KIF5C: variants seen among roughly 807,000 people sequenced by gnomAD.
The protein encoded by KIF5C is kinesin heavy chain isoform 5C.
Under a neutral mutation model 125.2 loss-of-function variants are expected in KIF5C, and 18 were observed. That is an observed-to-expected ratio of 0.14 (90% CI 0.10 to 0.21). The LOEUF (loss-of-function observed/expected upper bound fraction) is 0.21, where lower values mean the gene tolerates loss of function less well. Among genes scored for constraint, KIF5C ranks in the 10% least tolerant of loss-of-function variants. The pLI is 1.00. For missense variants in KIF5C, 780 were observed against 1,183.8 expected (o/e 0.66, Z 5.01); for synonymous variants, 405 against 434.0 (o/e 0.93, Z 0.83).
At chr2:148,971,290 G>GTCTATCTA (rs753154563) in intron 11 of KIF5C, among the ~76,000 whole-genome samples, 2,050 of 137,282 alleles carry the variant, frequency 0.015, 20 homozygotes, top group East Asian at 0.024. Flanking sequence ...CTGTCTGTCT[G>GTCTATCTA]TCTATCTATC....
chr2:149,025,246 G>A lies in KIF5C; in HGVS notation c.*2176G>A, dbSNP rs1682655226. On this transcript the variant is annotated 3_prime_UTR_variant, in exon 26 of 26. Transcript: ENST00000435030. ...TGCTTTACTTTTATTCACAGAGAAA[G>A]TTGGCTTTGATGTCTCTTAAAGATA... 1 of 152,620 alleles carries A rather than the reference G, an allele frequency of 6.6e-6. No homozygotes were observed. The highest frequency in any genetic ancestry group is 1.5e-5 in the Non-Finnish European group (1 of 68,028). The allele number at this position is 152,620 out of a possible 1,614,324, so 9.5% of individuals were successfully genotyped here.
At chr2:148,933,412 C>G (rs1384476831) in intron 3 of KIF5C, among the ~76,000 whole-genome samples, 6 of 151,930 alleles carry the variant, frequency 3.9e-5, no homozygotes, top group African/African-American at 1.5e-4. Context: ...GCACCTCACT[C>G]TCATACACAC....
chr2:148,958,852 C>T (rs566311857), intron 10 of KIF5C, among the ~76,000 whole-genome samples: 46 of 151,810 alleles, frequency 3.0e-4, no homozygotes, highest in African/African-American at 9.4e-4. Flanking sequence ...GGCGTGGTGG[C>T]GGGCGCCTGT....
At chr2:148,973,548 C>T in intron 12 of KIF5C, 37 bp downstream of exon 12, 2 of 1,562,288 alleles carry the variant, frequency 1.3e-6, no homozygotes, top group South Asian at 2.5e-5. Context: ...CATTCTGCTA[C>T]AAAGATGAAA....
chr2:148,992,814 A>C (rs1276602733), intron 16 of KIF5C, among the ~76,000 whole-genome samples: 2 of 152,260 alleles, frequency 1.3e-5, no homozygotes, highest in Non-Finnish European at 2.9e-5. Context: ...AAAAATTAAA[A>C]TAAAAATGAT....
At chr2:148,936,433 G>C (rs1682293577) in intron 3 of KIF5C, among the ~76,000 whole-genome samples, 1 of 152,186 alleles carries the variant, frequency 6.6e-6, no homozygotes, top group Non-Finnish European at 1.5e-5. Context: ...GGTGGGCTTA[G>C]GCAAAGGCTC....
chr2:149,008,122 C>A, intron 23 of KIF5C, 55 bp downstream of exon 23: 1 of 1,543,686 alleles, frequency 6.5e-7, no homozygotes, highest in South Asian at 1.3e-5. Flanking sequence ...TGGAAAGAAG[C>A]CCCACCAGGT....
intron 11 of KIF5C, among the ~76,000 whole-genome samples, chr2:148,972,083 C>T (rs1558925302): frequency 6.6e-6 from 1 of 152,028 alleles, no homozygotes. Context: ...TACAGGTGTG[C>T]ACCACCACAC....
Position 148,916,336 on chromosome 2 carries a change from A to C in KIF5C, c.127-5801A>C, listed in dbSNP as rs1479973457. Among the ~76,000 whole-genome samples, 3 of 152,148 alleles carry C rather than the reference A, an allele frequency of 2.0e-5. No individual in the cohort carries two copies. The East Asian group carries it at 5.8e-4, about 29-fold the overall frequency. On this transcript the variant is annotated intron_variant, in intron 1 of 25. Coordinates refer to ENST00000435030, the MANE Select transcript of KIF5C (RefSeq NM_004522.3). ...AATAGACTTTATGAATGAACATTGA[A>C]ATTTTGTTTATTTTTAAAGAGTGCA...
intron 19 of KIF5C, among the ~76,000 whole-genome samples, chr2:148,999,357 T>A (rs1456856397): frequency 6.6e-6 from 1 of 151,720 alleles, no homozygotes; most frequent in African/African-American, 2.4e-5. Context: ...AAGGTCACAT[T>A]GCTAAATAGG....
At chr2:148,940,026 T>C (rs977180325) in intron 4 of KIF5C, among the ~76,000 whole-genome samples, 1 of 152,210 alleles carries the variant, frequency 6.6e-6, no homozygotes, top group African/African-American at 2.4e-5. Context: ...AGTATCTAGT[T>C]TGTGACTTTT....
chr2:148,947,142 AGGCTCTGC>A, intron 8 of KIF5C, 119 bp downstream of exon 8: 1 of 1,404,728 alleles, frequency 7.1e-7, no homozygotes, highest in Non-Finnish European at 9.4e-7. Context: ...AAAGTTTCTG[AGGCTCTGC>A]CAAGGTGTTA....
chr2:148,900,579 C>G (rs1369436806), intron 1 of KIF5C, among the ~76,000 whole-genome samples: 2 of 152,222 alleles, frequency 1.3e-5, no homozygotes, highest in African/African-American at 4.8e-5. Flanking sequence ...TTCCTGCCTC[C>G]TTTCTGACAG....
chr2:148,999,333 G>A (rs1386693003), intron 19 of KIF5C, among the ~76,000 whole-genome samples: 10 of 151,058 alleles, frequency 6.6e-5, no homozygotes, highest in Non-Finnish European at 1.5e-4. Context: ...GAAGCAAGGC[G>A]AAATGATTTA....
rs778092579 is a variant in KIF5C, at chr2:148,978,900, C to T, written c.1294-22C>T. ...AAAATGACATAACTAACCAAAAAAA[C>T]AAACATGATGTTTCGTTTCAGGATG... On this transcript the variant is annotated intron_variant, in intron 12 of 25. Coordinates refer to ENST00000435030, the MANE Select transcript of KIF5C (RefSeq NM_004522.3). 81 of 1,572,856 alleles carry T rather than the reference C, an allele frequency of 5.1e-5. No individual in the cohort carries two copies. In the South Asian group the frequency reaches 5.9e-4, roughly 11 times the overall value.
intron 11 of KIF5C, among the ~76,000 whole-genome samples, chr2:148,965,252 T>A (rs968295196): frequency 6.1e-5 from 9 of 147,768 alleles, no homozygotes; most frequent in Non-Finnish European, 8.9e-5. Flanking sequence ...TGAGTTGGAG[T>A]CATCAGTCTT....
chr2:148,973,874 C>T (rs543709126), intron 12 of KIF5C, among the ~76,000 whole-genome samples: 2 of 152,278 alleles, frequency 1.3e-5, no homozygotes, highest in East Asian at 3.9e-4. Flanking sequence ...CTTGGAAACT[C>T]CAGCAGTAGC....
At chr2:148,994,861 C>T (rs1681623600) in intron 17 of KIF5C, among the ~76,000 whole-genome samples, 1 of 152,148 alleles carries the variant, frequency 6.6e-6, no homozygotes, top group Middle Eastern at 3.4e-3. Flanking sequence ...GTCACCACAC[C>T]TGGCTAATTT....
Position 148,997,221 on chromosome 2 carries a change from C to T in KIF5C, c.2024-43C>T, listed in dbSNP as rs771200722. On this transcript the variant is annotated intron_variant, in intron 17 of 25. Coordinates refer to ENST00000435030, the MANE Select transcript of KIF5C (RefSeq NM_004522.3). Reference sequence around the variant, plus strand: ...TTAATTTTTGCTTTTGGGTGTGAGTCCCACCAGTTAAGTCTTAAATCATCA... The same window carrying T: ...TTAATTTTTGCTTTTGGGTGTGAGTTCCACCAGTTAAGTCTTAAATCATCA... 44 of 1,588,896 alleles carry T rather than the reference C, an allele frequency of 2.8e-5. No homozygotes were observed. In the Middle Eastern group the frequency reaches 5.0e-4, roughly 18 times the overall value.
Sources: allele counts gnomAD v4.1 joint callset (sites outside exome capture counted in the v4.1 genomes callset), GRCh38; gene constraint gnomAD v4.1.1; transcripts MANE v1.5; gene names NCBI Gene and HGNC (gene_info 2026-07-23, HGNC 2026-07-21).